Variants in GRPEL2 observed in about 807,000 individuals in gnomAD.
The protein encoded by GRPEL2 is grpE protein homolog 2, mitochondrial.
In GRPEL2, 18 loss-of-function variants were observed where a neutral mutation model predicts 25.9. The observed-to-expected ratio is 0.70, with a 90% CI of 0.48 to 1.03. GRPEL2 has a LOEUF of 1.03. GRPEL2 is among the 50% of genes least tolerant of loss of function. The probability of loss-of-function intolerance (pLI) is 0.00; values close to 1 mark genes in which losing one functional copy is unlikely to be tolerated. For synonymous variants in GRPEL2, 106 were observed against 107.9 expected (o/e 0.98, Z 0.11); for missense variants, 247 against 276.2 (o/e 0.89, Z 0.75).
chr5:149,352,727 T>G lies in GRPEL2; in HGVS notation c.*1445T>G, dbSNP rs2127610458. 1 of 152,296 alleles carries G rather than the reference T, an allele frequency of 6.6e-6. No individual in the cohort carries two copies. Among genetic ancestry groups the G allele is most frequent in the Non-Finnish European group, 1.5e-5 (1 of 68,028 alleles). 9.4% of individuals were successfully genotyped at this position (152,296 alleles called of 1,614,324 possible). A position where few individuals can be genotyped will look rare whatever the true frequency, so the allele number is the denominator to read the frequency against. ...TTAATGTTGGAAGAGGCCTTAATGA[T>G]CAAATCTCACCCTTTCTGCTTCTGA... On this transcript the variant is annotated 3_prime_UTR_variant, in exon 4 of 4. Coordinates refer to ENST00000329271, the MANE Select transcript of GRPEL2 (RefSeq NM_152407.4).
chr5:149,347,083 G>A (rs1221546962), intron 1 of GRPEL2, among the ~76,000 whole-genome samples: 1 of 152,126 alleles, frequency 6.6e-6, no homozygotes, highest in Non-Finnish European at 1.5e-5. Flanking sequence ...TTAGGGAGAA[G>A]ATGTTTCACC....
intron 3 of GRPEL2, 198 bp downstream of exon 3, chr5:149,349,933 A>G: frequency 1.8e-6 from 1 of 564,182 alleles, no homozygotes; most frequent in South Asian, 2.3e-5. Flanking sequence ...AATCCCAGCT[A>G]CTCTGGAGGC....
At chr5:149,347,730 C>G (rs1429045030) in intron 1 of GRPEL2, among the ~76,000 whole-genome samples, 1 of 152,148 alleles carries the variant, frequency 6.6e-6, no homozygotes, top group Non-Finnish European at 1.5e-5. Context: ...CTCCTAAAAG[C>G]CTTACAGGTT....
rs375556082 is a variant in GRPEL2 at position 149,348,280 on chromosome 5, C to T, written c.86C>T (p.Pro29Leu). ...WSAAWESKGW[P>L]LPFSTATQRT... ...CCTCCTTCCTGTTTTAGGGGATGGC[C>T]GCTTCCATTCAGCACTGCCACCCAG... Residue 29 changes from proline (P) to leucine (L), a missense_variant, in exon 2 of 4, where the codon CCG becomes CTG. Coordinates refer to ENST00000329271, the MANE Select transcript of GRPEL2 (RefSeq NM_152407.4). 142 of 1,592,694 alleles carry T rather than the reference C, an allele frequency of 8.9e-5. No homozygotes were observed. In the South Asian group the frequency reaches 1.3e-3, roughly 15 times the overall value.
chr5:149,349,613 A>G (rs1180283616), intron 2 of GRPEL2, 41 bp from the exon 3 acceptor site: 2 of 1,373,280 alleles, frequency 1.5e-6, no homozygotes, highest in African/African-American at 2.9e-5. Flanking sequence ...ACCAATAAGT[A>G]TTTGTTTTCT....
At position 149,353,933 on chromosome 5, in the gene GRPEL2, A is replaced by T. The variant is rs1042900346; in HGVS notation, c.*2651A>T. On this transcript the variant is annotated 3_prime_UTR_variant, in exon 4 of 4. Coordinates refer to ENST00000329271, the MANE Select transcript of GRPEL2 (RefSeq NM_152407.4). ...AGCCTGTTTCTTTATTCGTAAAATG[A>T]TTATAATAATTCTTTCACAGCGTTG... 2.0e-5 allele frequency: 3 copies of T among 152,216 alleles called. No individual in the cohort carries two copies. Among genetic ancestry groups the T allele is most frequent in the Admixed American group, 1.3e-4 (2 of 15,284 alleles). 9.4% of individuals were successfully genotyped at this position (152,216 alleles called of 1,614,324 possible). A position where few individuals can be genotyped will look rare whatever the true frequency, so the allele number is the denominator to read the frequency against.
intron 2 of GRPEL2, 45 bp downstream of exon 2, chr5:149,348,470 A>C (rs963257941): frequency 1.8e-5 from 27 of 1,480,132 alleles, no homozygotes; most frequent in Non-Finnish European, 2.5e-5. Flanking sequence ...TCTCTAGTTT[A>C]AATATCCACA....
intron 1 of GRPEL2, 170 bp downstream of exon 1, chr5:149,345,786 CTG>C (rs1757679046): frequency 1.6e-6 from 1 of 619,864 alleles, no homozygotes; most frequent in Admixed American, 3.0e-5. Flanking sequence ...GACGGGGAAA[CTG>C]AGGCCATCAG....
At chr5:149,347,294 T>C (rs1266538250) in intron 1 of GRPEL2, among the ~76,000 whole-genome samples, 1 of 152,214 alleles carries the variant, frequency 6.6e-6, no homozygotes, top group East Asian at 1.9e-4. Context: ...TAAAGCTGAC[T>C]CCTTTACCCT....
intron 1 of GRPEL2, among the ~76,000 whole-genome samples, chr5:149,347,409 G>A (rs1456319234): frequency 6.6e-6 from 1 of 152,176 alleles, no homozygotes; most frequent in African/African-American, 2.4e-5. Context: ...TGATTTTCAA[G>A]ATAATTTTAC....
rs2127609923 is a variant in GRPEL2 at position 149,349,673 on chromosome 5, T to C, written c.251T>C (p.Ile84Thr). The C allele has an allele frequency of 1.2e-6, 2 of 1,612,964 alleles. No individual in the cohort carries two copies. Among genetic ancestry groups the C allele is most frequent in the Admixed American group, 1.7e-5 (1 of 59,950 alleles). Reference protein sequence around the residue: ...QDLTVRYQRAIADCENIRRRT... With the variant: ...QDLTVRYQRATADCENIRRRT... ...ATTCAGGTGAGATACCAGAGAGCTA[T>C]AGCTGATTGTGAAAACATAAGGAGG... Residue 84 changes from isoleucine (I) to threonine (T), a missense_variant, in exon 3 of 4, where the codon ATA (isoleucine) becomes ACA (threonine). By Grantham distance (89) the Ile-to-Thr change is moderately conservative. This residue lies in a region of GRPEL2 where 125 missense variants were observed against 107.0 expected (regional missense o/e 1.17). Transcript: ENST00000329271.
In GRPEL2 at chr5:149,351,306, T is replaced by G. The variant is rs756955013; in HGVS notation, c.*24T>G. 6.3e-7 allele frequency: 1 copy of G among 1,587,120 alleles called. No individual in the cohort carries two copies. The highest frequency in any genetic ancestry group is 1.1e-5 in the South Asian group (1 of 89,006). On this transcript the variant is annotated 3_prime_UTR_variant, in exon 4 of 4. Coordinates refer to ENST00000329271, the MANE Select transcript of GRPEL2 (RefSeq NM_152407.4). ...GAAGAGGCCATCAGGAACTGGATGT[T>G]CTCCCAGAGCGCAGTCACCTATGTT...
At chr5:149,346,326 T>C (rs1000280045) in intron 1 of GRPEL2, among the ~76,000 whole-genome samples, 1 of 152,202 alleles carries the variant, frequency 6.6e-6, no homozygotes, top group Non-Finnish European at 1.5e-5. Flanking sequence ...CCTACACTGT[T>C]TCTTCCTGGG....
chr5:149,349,431 G>A (rs1757742869), intron 2 of GRPEL2, among the ~76,000 whole-genome samples: 1 of 152,230 alleles, frequency 6.6e-6, no homozygotes, highest in Non-Finnish European at 1.5e-5. Context: ...AAACCGTTAG[G>A]AGTTTGAACT....
At position 149,353,471 on chromosome 5, in the gene GRPEL2, C is replaced by G. The variant is rs1757807109; in HGVS notation, c.*2189C>G. The G allele has an allele frequency of 6.6e-6, 1 of 152,116 alleles. No individual in the cohort carries two copies. Among genetic ancestry groups the G allele is most frequent in the Non-Finnish European group, 1.5e-5 (1 of 68,030 alleles). The allele number at this position is 152,116 out of a possible 1,614,324, so 9.4% of individuals were successfully genotyped here. A position where few individuals can be genotyped will look rare whatever the true frequency, so the allele number is the denominator to read the frequency against. ...GTTATGATTACCTAAAGAGATGTCTCTACCTAATGAGCTCAAGTGATCCTC... is the reference window on the plus strand; with the variant it reads ...GTTATGATTACCTAAAGAGATGTCTGTACCTAATGAGCTCAAGTGATCCTC... On this transcript the variant is annotated 3_prime_UTR_variant, in exon 4 of 4. Coordinates refer to ENST00000329271, the MANE Select transcript of GRPEL2 (RefSeq NM_152407.4).
chr5:149,349,442 G>C lies in GRPEL2; in HGVS notation c.232-212G>C, dbSNP rs555677362. 2.6e-5 allele frequency among the ~76,000 whole-genome samples: 4 copies of C among 152,350 alleles called. No individual in the cohort carries two copies. In the East Asian group the frequency reaches 7.7e-4, roughly 29 times the overall value. On this transcript the variant is annotated intron_variant, in intron 2 of 3. Transcript: ENST00000329271. The stretch of plus-strand genomic sequence containing the variant: ...CTTGAAACCGTTAGGAGTTTGAACT[G>C]TCAGGCTAAATGACTACCTAGCAGT...
At chr5:149,350,043 CA>C (rs542406674) in intron 3 of GRPEL2, among the ~76,000 whole-genome samples, 46 of 143,710 alleles carry the variant, frequency 3.2e-4, no homozygotes, top group East Asian at 1.0e-3. Context: ...GACTCAGTCT[CA>C]AAAAAAAAAA....
rs1184973439 is a variant in GRPEL2, at chr5:149,348,263, C to G, written c.78-9C>G. 3 of 1,581,280 alleles carry G rather than the reference C, an allele frequency of 1.9e-6. No individual in the cohort carries two copies. In the Admixed American group the frequency reaches 5.9e-5, roughly 31 times the overall value. The stretch of plus-strand genomic sequence containing the variant: ...TTCTTCATTATGTGCCACCTCCTTC[C>G]TGTTTTAGGGGATGGCCGCTTCCAT... On this transcript the variant is annotated splice_polypyrimidine_tract_variant and intron_variant, in intron 1 of 3. Coordinates refer to ENST00000329271, the MANE Select transcript of GRPEL2 (RefSeq NM_152407.4).
intron 3 of GRPEL2, 48 bp from the exon 4 acceptor site, chr5:149,350,870 G>A (rs769508156): frequency 6.3e-7 from 1 of 1,595,296 alleles, no homozygotes; most frequent in Admixed American, 1.7e-5. Flanking sequence ...ATGCCCACGG[G>A]CAGAGTGATT....
Sources: allele counts gnomAD v4.1 joint callset (sites outside exome capture counted in the v4.1 genomes callset), GRCh38; gene constraint gnomAD v4.1.1; regional missense constraint gnomAD v4.1.1; transcripts MANE v1.5; gene names NCBI Gene and HGNC (gene_info 2026-07-23, HGNC 2026-07-21).